Variants in IQCM observed in about 807,000 individuals in gnomAD.
The protein encoded by IQCM is IQ domain-containing protein M.
IQCM carries 45 observed loss-of-function variants against 57.6 expected under a neutral mutation model. That is an observed-to-expected ratio of 0.78 (90% CI 0.62 to 1.00). IQCM has a LOEUF of 1.00. IQCM is among the 50% of genes least tolerant of loss of function. IQCM has a pLI of 0.00. For missense variants in IQCM, 468 were observed against 511.6 expected, an observed-to-expected ratio of 0.91 and a Z score of 0.82; for synonymous variants, 148 against 158.9, an observed-to-expected ratio of 0.93 and a Z score of 0.51.
At chr4:149,731,838 T>C (rs1289763216) in intron 5 of IQCM, among the ~76,000 whole-genome samples, 1 of 151,766 alleles carries the variant, frequency 6.6e-6, no homozygotes, top group Non-Finnish European at 1.5e-5. Flanking sequence ...TCAATACGAA[T>C]CTCCAATAAG....
chr4:149,751,801 T>C (rs1768473098), intron 2 of IQCM, among the ~76,000 whole-genome samples: 1 of 151,608 alleles, frequency 6.6e-6, no homozygotes, highest in African/African-American at 2.4e-5. Context: ...AGAGAATGAG[T>C]TCTCTGAGAA....
chr4:149,535,338 T>A (rs1482656424), intron 12 of IQCM, among the ~76,000 whole-genome samples: 1 of 152,094 alleles, frequency 6.6e-6, no homozygotes, highest in Non-Finnish European at 1.5e-5. Context: ...TATTTTATAT[T>A]CATGTTCCTT....
chr4:149,453,375 A>G (rs1309530250), intron 12 of IQCM, among the ~76,000 whole-genome samples: 1 of 151,822 alleles, frequency 6.6e-6, no homozygotes, highest in Non-Finnish European at 1.5e-5. Context: ...CGACAAAAAC[A>G]AAAACGAAAA....
intron 13 of IQCM, among the ~76,000 whole-genome samples, chr4:149,378,360 G>A (rs746688015): frequency 1.4e-4 from 21 of 152,230 alleles, no homozygotes; most frequent in Middle Eastern, 3.4e-3. Flanking sequence ...GAAAATGTGC[G>A]AAAGTTTGGA....
At chr4:149,667,956 G>A (rs1373642965) in intron 7 of IQCM, among the ~76,000 whole-genome samples, 1 of 152,078 alleles carries the variant, frequency 6.6e-6, no homozygotes. Flanking sequence ...TTTGTTTGGT[G>A]CACCTGAAAG....
At chr4:149,659,094 G>A (rs545103907) in intron 7 of IQCM, among the ~76,000 whole-genome samples, 23 of 151,802 alleles carry the variant, frequency 1.5e-4, no homozygotes, top group African/African-American at 5.6e-4. Context: ...TATTAGTCTT[G>A]CTAGCAGTCT....
intron 2 of IQCM, among the ~76,000 whole-genome samples, chr4:149,810,505 A>C (rs1774474686): frequency 6.6e-6 from 1 of 151,906 alleles, no homozygotes. Flanking sequence ...GCTGGAGTAC[A>C]ATGGTGCAAT....
chr4:149,682,070 A>T (rs1762219439), intron 7 of IQCM, 48 bp downstream of exon 7: 1 of 724,240 alleles, frequency 1.4e-6, no homozygotes, highest in East Asian at 3.4e-5. Context: ...TGAATGCAAA[A>T]TAATGAAAAT....
chr4:149,567,596 C>A (rs1425923283), intron 9 of IQCM, among the ~76,000 whole-genome samples: 2 of 152,012 alleles, frequency 1.3e-5, no homozygotes, highest in African/African-American at 4.8e-5. Flanking sequence ...GATCCCCTGC[C>A]TCCACCTCTC....
intron 2 of IQCM, among the ~76,000 whole-genome samples, chr4:149,764,640 C>A (rs1278783249): frequency 6.6e-6 from 1 of 152,052 alleles, no homozygotes; most frequent in Non-Finnish European, 1.5e-5. Context: ...TTTTAATTTG[C>A]CTTTTGTCAG....
At chr4:149,487,816 G>A (rs185079444) in intron 12 of IQCM, among the ~76,000 whole-genome samples, 2 of 152,046 alleles carry the variant, frequency 1.3e-5, no homozygotes, top group Non-Finnish European at 2.9e-5. Flanking sequence ...GGGAGATGGG[G>A]GTGAGTGATA....
At chr4:149,477,258 A>G (rs1166285156) in intron 12 of IQCM, among the ~76,000 whole-genome samples, 1 of 152,122 alleles carries the variant, frequency 6.6e-6, no homozygotes, top group Non-Finnish European at 1.5e-5. Context: ...ACTACTTTCT[A>G]TTGAAGCTAT....
intron 9 of IQCM, among the ~76,000 whole-genome samples, chr4:149,568,074 G>T (rs1280525054): frequency 1.3e-5 from 2 of 152,098 alleles, no homozygotes; most frequent in Admixed American, 6.6e-5. Flanking sequence ...GGCTATAAAA[G>T]ACCTCATGCC....
chr4:149,425,344 A>C (rs1734392386), intron 13 of IQCM, among the ~76,000 whole-genome samples: 1 of 152,008 alleles, frequency 6.6e-6, no homozygotes, highest in South Asian at 2.1e-4. Flanking sequence ...GAAGTCCCAC[A>C]GTCTGCTGTC....
At chr4:149,515,860 G>A (rs766313200) in intron 12 of IQCM, among the ~76,000 whole-genome samples, 21 of 152,232 alleles carry the variant, frequency 1.4e-4, no homozygotes, top group Non-Finnish European at 2.2e-4. Flanking sequence ...GGACCTCTCG[G>A]AGTGGTCAAA....
chr4:149,528,396 G>C (rs868409698), intron 12 of IQCM, among the ~76,000 whole-genome samples: 2 of 95,436 alleles, frequency 2.1e-5, no homozygotes, highest in Non-Finnish European at 2.9e-5. Context: ...AATTCTTTGA[G>C]TTAAGGCATT....
chr4:149,484,926 T>C, intron 12 of IQCM, among the ~76,000 whole-genome samples: 1 of 152,116 alleles, frequency 6.6e-6, no homozygotes, highest in East Asian at 1.9e-4. Flanking sequence ...ACAGTTTTTA[T>C]TTCTTCTTCA....
chr4:149,652,583 T>C lies in IQCM; in HGVS notation c.565+29535A>G, dbSNP rs540784469. Among the ~76,000 whole-genome samples, 13 of 151,312 alleles carry C rather than the reference T, an allele frequency of 8.6e-5. No individual in the cohort carries two copies. In the South Asian group the frequency reaches 2.7e-3, roughly 32 times the overall value. ...TATAAAAGCTGAGGAGAGATAATGG[T>C]GAGACAATAGAAAGTACGACTTGAG... On this transcript the variant is annotated intron_variant, in intron 7 of 13. Transcript: ENST00000636793.
At chr4:149,474,280 A>G (rs1480955543) in intron 12 of IQCM, among the ~76,000 whole-genome samples, 1 of 152,080 alleles carries the variant, frequency 6.6e-6, no homozygotes, top group Non-Finnish European at 1.5e-5. Context: ...AGTAGACATA[A>G]CTGGTTGAGC....
Sources: gnomAD v4.1 joint callset for allele counts (sites outside exome capture counted in the v4.1 genomes callset) on GRCh38, gnomAD v4.1.1 for gene constraint, MANE v1.5 for transcripts, NCBI Gene and HGNC (gene_info 2026-07-23, HGNC 2026-07-21) for gene names.